CSMD1: variants seen among roughly 807,000 people sequenced by gnomAD.
CSMD1 encodes the protein CUB and sushi domain-containing protein 1.
CSMD1 carries 213 observed loss-of-function variants against 417.5 expected under a neutral mutation model. That is an observed-to-expected ratio of 0.51 (90% CI 0.46 to 0.57). The LOEUF (loss-of-function observed/expected upper bound fraction) is 0.57. Among genes scored for constraint, CSMD1 ranks in the 20% least tolerant of loss-of-function variants. The pLI is 0.00. For missense variants in CSMD1, 6,923 were observed against 4,529.7 expected, an observed-to-expected ratio of 1.53 and a Z score of -15.17; for synonymous variants, 2,862 against 1,736.8, an observed-to-expected ratio of 1.65 and a Z score of -16.11.
rs537067780 is a variant in CSMD1 at position 3,931,347 on chromosome 8, C to G, written c.818+66556G>C. Among the ~76,000 whole-genome samples, 7 of 150,626 alleles carry G rather than the reference C, an allele frequency of 4.6e-5. No individual in the cohort carries two copies. In the South Asian group the frequency reaches 1.5e-3, roughly 32 times the overall value. On this transcript the variant is annotated intron_variant, in intron 5 of 69. Transcript: ENST00000635120. Reference sequence around the variant, plus strand: ...GAAGTCAGCAGAAAAGGGCCACTCTCTCTCCCTCCCTCATTTCTCAGGCTT... The same window carrying G: ...GAAGTCAGCAGAAAAGGGCCACTCTGTCTCCCTCCCTCATTTCTCAGGCTT...
rs1440286696 is a variant in CSMD1, at chr8:3,287,724, C to G, written c.3951-3378G>C. Among the ~76,000 whole-genome samples the G allele has an allele frequency of 2.2e-4, 34 of 152,168 alleles. 1 individual carries two copies. In the South Asian group the frequency reaches 6.2e-3, roughly 28 times the overall value. ...GGGGCTGAGACGATGGGGTTTTCTC[C>G]ATATACAATCACGTCATCTGCCAAC... On this transcript the variant is annotated intron_variant, in intron 25 of 69. Coordinates refer to ENST00000635120, the MANE Select transcript of CSMD1 (RefSeq NM_033225.6).
At chr8:2,987,386 A>G (rs1563209143) in intron 54 of CSMD1, among the ~76,000 whole-genome samples, 1 of 148,828 alleles carries the variant, frequency 6.7e-6, no homozygotes. Flanking sequence ...ATATAAGTAT[A>G]TAAGAAACAG....
At chr8:2,958,921 A>T (rs1024868739) in intron 62 of CSMD1, among the ~76,000 whole-genome samples, 23 of 152,240 alleles carry the variant, frequency 1.5e-4, no homozygotes, top group African/African-American at 5.3e-4. Context: ...AATAGTTGGT[A>T]CACTGAATAG....
At chr8:3,564,246 T>A (rs1799598404) in intron 10 of CSMD1, among the ~76,000 whole-genome samples, 2 of 152,206 alleles carry the variant, frequency 1.3e-5, no homozygotes, top group South Asian at 2.1e-4. Context: ...AATTTTTTCC[T>A]TTTCCCTAAC....
Position 3,136,556 on chromosome 8 carries a change from T to G in CSMD1, c.6241+5909A>C, listed in dbSNP as rs374687908. On this transcript the variant is annotated intron_variant, in intron 41 of 69. Transcript: ENST00000635120. ...CTGGGATTACAGACATGAGCCACCG[T>G]GACCGGCTCATCCCTTTCGGATTTC... 1.2e-4 allele frequency among the ~76,000 whole-genome samples: 19 copies of G among 152,250 alleles called. No homozygotes were observed. In the East Asian group the frequency reaches 2.9e-3, roughly 23 times the overall value.
intron 10 of CSMD1, among the ~76,000 whole-genome samples, chr8:3,507,475 G>A (rs1291499476): frequency 3.3e-5 from 5 of 152,184 alleles, no homozygotes; most frequent in Non-Finnish European, 7.3e-5. Flanking sequence ...ACGTGTGCAT[G>A]TGTCTTTATA....
chr8:3,428,502 A>T (rs933794685), intron 12 of CSMD1, among the ~76,000 whole-genome samples: 5 of 152,210 alleles, frequency 3.3e-5, no homozygotes, highest in African/African-American at 1.2e-4. Flanking sequence ...TCAAATAAAA[A>T]TGATGGGGAA....
intron 5 of CSMD1, among the ~76,000 whole-genome samples, chr8:3,950,568 C>G (rs1341118357): frequency 2.0e-5 from 3 of 152,192 alleles, no homozygotes; most frequent in African/African-American, 7.2e-5. Flanking sequence ...TTCCGCTTGC[C>G]CATAGCAATA....
At chr8:4,499,894 C>G (rs960460851) in intron 2 of CSMD1, among the ~76,000 whole-genome samples, 4 of 152,100 alleles carry the variant, frequency 2.6e-5, no homozygotes, top group African/African-American at 9.7e-5. Flanking sequence ...GTATTGTATT[C>G]ATTGCCACAG....
chr8:3,633,627 T>G (rs1311982298), intron 7 of CSMD1, among the ~76,000 whole-genome samples: 1 of 152,182 alleles, frequency 6.6e-6, no homozygotes, highest in Admixed American at 6.5e-5. Flanking sequence ...ATTTCCTAAT[T>G]TAAAAAATGT....
At position 3,849,227 on chromosome 8, in the gene CSMD1, A is replaced by G. The variant is rs2129098915; in HGVS notation, c.819-95185T>C. On this transcript the variant is annotated intron_variant, in intron 5 of 69. Coordinates refer to ENST00000635120, the MANE Select transcript of CSMD1 (RefSeq NM_033225.6). ...GAATGGTTGATGAGAAAATGATGGA[A>G]AAGAGGAATAAAACGAAACAAAACC... Among the ~76,000 whole-genome samples the G allele has an allele frequency of 2.6e-5, 4 of 152,298 alleles. No homozygotes were observed. In the South Asian group the frequency reaches 8.3e-4, roughly 32 times the overall value.
chr8:4,441,787 C>G (rs1475894618), intron 2 of CSMD1, among the ~76,000 whole-genome samples: 1 of 151,958 alleles, frequency 6.6e-6, no homozygotes, highest in African/African-American at 2.4e-5. Flanking sequence ...TTGGGTGTAT[C>G]ACAAGATAAA....
intron 2 of CSMD1, among the ~76,000 whole-genome samples, chr8:4,501,937 G>A (rs1046305265): frequency 1.3e-5 from 2 of 152,114 alleles, no homozygotes; most frequent in African/African-American, 4.8e-5. Flanking sequence ...TACCCCCCTA[G>A]AATAAGGGAG....
At chr8:3,307,028 G>C (rs926667206) in intron 25 of CSMD1, among the ~76,000 whole-genome samples, 15 of 124,144 alleles carry the variant, frequency 1.2e-4, no homozygotes, top group Non-Finnish European at 2.6e-4. Flanking sequence ...AAGTTACTTT[G>C]GTATAATTGC....
chr8:4,139,241 T>C (rs566196486), intron 3 of CSMD1, among the ~76,000 whole-genome samples: 1 of 152,330 alleles, frequency 6.6e-6, no homozygotes, highest in South Asian at 2.1e-4. Context: ...TAAAGGCGAA[T>C]TTAGCTTCAT....
In CSMD1 at chr8:3,359,172, G is replaced by A. The variant is rs775393205; in HGVS notation, c.3284C>T (p.Ala1095Val). 36 of 1,613,844 alleles carry A rather than the reference G, an allele frequency of 2.2e-5. 1 individual carries two copies. The highest frequency in any genetic ancestry group is 3.0e-5 in the Non-Finnish European group (35 of 1,179,958). ...CCTACCCACACACCTTGGCAGAGGT[G>A]CACTCCACACACGGCGGCCCCCACC... ...CLGGGRRVWS[A>V]PLPRCVAECG... Residue 1095 changes from alanine (A) to valine (V), a missense_variant, in exon 21 of 70, where the codon GCA becomes GTA. Coordinates refer to ENST00000635120, the MANE Select transcript of CSMD1 (RefSeq NM_033225.6).
chr8:3,633,348 G>A (rs981701361), intron 7 of CSMD1, among the ~76,000 whole-genome samples: 9 of 152,178 alleles, frequency 5.9e-5, no homozygotes, highest in Non-Finnish European at 1.3e-4. Context: ...TGTGTCAAAG[G>A]TGTCTTTGGT....
At chr8:3,757,945 A>T (rs191064131) in intron 5 of CSMD1, among the ~76,000 whole-genome samples, 23 of 152,124 alleles carry the variant, frequency 1.5e-4, no homozygotes, top group Admixed American at 3.9e-4. Context: ...ATTCAGGTTT[A>T]AAAAAAATGC....
intron 27 of CSMD1, among the ~76,000 whole-genome samples, chr8:3,227,189 A>C (rs1359608975): frequency 1.3e-5 from 2 of 152,144 alleles, no homozygotes; most frequent in African/African-American, 4.8e-5. Context: ...TCATGAAGTC[A>C]GGAATTCGAG....
Sources: gnomAD v4.1 joint callset for allele counts (sites outside exome capture counted in the v4.1 genomes callset) on GRCh38, gnomAD v4.1.1 for gene constraint, MANE v1.5 for transcripts, NCBI Gene and HGNC (gene_info 2026-07-23, HGNC 2026-07-21) for gene names.